Variants in FAM107B observed in about 807,000 individuals in gnomAD.
FAM107B encodes protein FAM107B.
FAM107B carries 21 observed loss-of-function variants against 31.5 expected under a neutral mutation model. That is an observed-to-expected ratio of 0.67 (90% CI 0.47 to 0.96). The LOEUF is 0.96. Among genes scored for constraint, FAM107B ranks in the 40% least tolerant of loss-of-function variants. FAM107B has a pLI of 0.00. For missense variants in FAM107B, 452 were observed against 377.1 expected, an observed-to-expected ratio of 1.20 and a Z score of -1.64; for synonymous variants, 157 against 141.5, an observed-to-expected ratio of 1.11 and a Z score of -0.78.
chr10:14,643,685 C>T (rs1219611710), intron 2 of FAM107B, among the ~76,000 whole-genome samples: 2 of 152,190 alleles, frequency 1.3e-5, no homozygotes, highest in South Asian at 2.1e-4. Context: ...GCTGGGATTA[C>T]AGGCGTGAGC....
At chr10:14,618,658 G>A (rs1444661443) in intron 2 of FAM107B, among the ~76,000 whole-genome samples, 2 of 151,920 alleles carry the variant, frequency 1.3e-5, no homozygotes, top group African/African-American at 2.4e-5. Flanking sequence ...CCAACATAGC[G>A]AAATCCCGTG....
intron 2 of FAM107B, among the ~76,000 whole-genome samples, chr10:14,628,088 C>A (rs1853211547): frequency 7.4e-6 from 1 of 135,600 alleles, no homozygotes. Flanking sequence ...CTGTTTGTTT[C>A]CTTGTTTGTT....
intron 2 of FAM107B, among the ~76,000 whole-genome samples, chr10:14,585,090 A>G (rs1333775167): frequency 1.3e-5 from 2 of 152,244 alleles, no homozygotes; most frequent in Non-Finnish European, 2.9e-5. Flanking sequence ...GGACACCTCT[A>G]GAGGGTATTT....
chr10:14,610,170 C>T (rs1852693032), intron 2 of FAM107B, among the ~76,000 whole-genome samples: 1 of 152,044 alleles, frequency 6.6e-6, no homozygotes, highest in South Asian at 2.1e-4. Flanking sequence ...GGTGAAACCC[C>T]ATCTCTACTA....
At chr10:14,566,968 A>T (rs1201541459) in intron 2 of FAM107B, among the ~76,000 whole-genome samples, 1 of 152,146 alleles carries the variant, frequency 6.6e-6, no homozygotes, top group African/African-American at 2.4e-5. Flanking sequence ...TGGCTAACAC[A>T]GTAAAACCCC....
rs1160761070 is a variant in FAM107B, at chr10:14,774,155, A to G, written c.411+98T>C. On this transcript the variant is annotated intron_variant, in intron 1 of 4. Coordinates refer to ENST00000181796, the MANE Select transcript of FAM107B (RefSeq NM_031453.4). ...GAACGCCCGCAATGCCTTATTCAGT[A>G]AGGTTAAATGAGTTTGTTTGCTGAA... 6 of 1,441,666 alleles carry G rather than the reference A, an allele frequency of 4.2e-6. No individual in the cohort carries two copies. In the African/African-American group the frequency reaches 7.1e-5, roughly 17 times the overall value. 89.3% of individuals were successfully genotyped at this position (1,441,666 alleles called of 1,614,324 possible). A position where few individuals can be genotyped will look rare whatever the true frequency, so the allele number is the denominator to read the frequency against.
At chr10:14,525,278 C>T (rs925329798) in intron 3 of FAM107B, among the ~76,000 whole-genome samples, 6 of 152,076 alleles carry the variant, frequency 3.9e-5, no homozygotes, top group Non-Finnish European at 5.9e-5. Context: ...TACTTTCAAC[C>T]CCTTTATGAC....
At chr10:14,604,378 C>G (rs1588653337) in intron 2 of FAM107B, 1 of 385,658 alleles carries the variant, frequency 2.6e-6, no homozygotes, top group Non-Finnish European at 3.5e-6. Flanking sequence ...GGCCCGCAAG[C>G]CAGTCCGGCG....
rs114119394 is a variant in FAM107B at position 14,609,481 on chromosome 10, G to C, written c.469+58153C>G. ...TGAGAGCTACTCTCAGCTGCTAAAG[G>C]CTAAAGGCTGCCCAGAAACCTCATC... On this transcript the variant is annotated intron_variant, in intron 2 of 4. Transcript: ENST00000181796. 9.6e-3 allele frequency among the ~76,000 whole-genome samples: 1,468 copies of C among 152,204 alleles called. 25 individuals are homozygous for C. The highest frequency in any genetic ancestry group is 0.034 in the African/African-American group (1,409 of 41,526).
At chr10:14,687,186 A>T (rs1400487846) in intron 1 of FAM107B, among the ~76,000 whole-genome samples, 3 of 152,234 alleles carry the variant, frequency 2.0e-5, no homozygotes, top group East Asian at 1.9e-4. Flanking sequence ...ATCTAATGGA[A>T]AACGAGGGTC....
At chr10:14,676,666 A>G (rs1854690269) in intron 1 of FAM107B, among the ~76,000 whole-genome samples, 1 of 152,166 alleles carries the variant, frequency 6.6e-6, no homozygotes, top group Non-Finnish European at 1.5e-5. Flanking sequence ...TCTTTATTCT[A>G]TTAACTAAAA....
At chr10:14,721,086 C>T (rs1442961533) in intron 1 of FAM107B, among the ~76,000 whole-genome samples, 2 of 152,000 alleles carry the variant, frequency 1.3e-5, no homozygotes, top group East Asian at 1.9e-4. Flanking sequence ...TGAGTGAGAA[C>T]ATGCGGTGTT....
At chr10:14,598,385 A>C (rs187887183) in intron 2 of FAM107B, among the ~76,000 whole-genome samples, 22 of 152,338 alleles carry the variant, frequency 1.4e-4, no homozygotes, top group African/African-American at 4.3e-4. Context: ...CTTAGAAAAG[A>C]AGCAGTTCCG....
At chr10:14,625,338 T>C (rs771318042) in intron 2 of FAM107B, among the ~76,000 whole-genome samples, 1 of 152,026 alleles carries the variant, frequency 6.6e-6, no homozygotes, top group Non-Finnish European at 1.5e-5. Context: ...AATCTCTGCT[T>C]TGTCTCAGAG....
chr10:14,595,264 A>G (rs2031617), intron 2 of FAM107B, among the ~76,000 whole-genome samples: 145,178 of 152,194 alleles, frequency 0.95, 69,615 homozygotes, highest in East Asian at 1. Context: ...CAAAACAGAT[A>G]CATCTCCCAA....
intron 3 of FAM107B, among the ~76,000 whole-genome samples, chr10:14,524,706 C>A (rs538994509): frequency 4.6e-5 from 7 of 152,244 alleles, no homozygotes; most frequent in African/African-American, 1.7e-4. Context: ...ACACTACAGA[C>A]AGAATTAAGG....
At chr10:14,771,483 A>G (rs1833301132) in intron 1 of FAM107B, among the ~76,000 whole-genome samples, 2 of 152,212 alleles carry the variant, frequency 1.3e-5, no homozygotes, top group African/African-American at 2.4e-5. Context: ...CAGGAATTGT[A>G]ATGTTCTCAA....
In FAM107B at chr10:14,758,653, C is replaced by T. The variant is rs78569892; in HGVS notation, c.411+15600G>A. 7.0e-4 allele frequency among the ~76,000 whole-genome samples: 107 copies of T among 152,080 alleles called. 3 individuals carry two copies. Among genetic ancestry groups the T allele is most frequent in the African/African-American group, 2.4e-3 (100 of 41,464 alleles). On this transcript the variant is annotated intron_variant, in intron 1 of 4. Coordinates refer to ENST00000181796, the MANE Select transcript of FAM107B (RefSeq NM_031453.4). ...GCCCTAGATGCCCAGCCGGGCTCCCCGTCTGGAGCGAGTGCCAATAGGCCA... is the reference window on the plus strand; with the variant it reads ...GCCCTAGATGCCCAGCCGGGCTCCCTGTCTGGAGCGAGTGCCAATAGGCCA...
At chr10:14,729,739 G>A (rs962030878) in intron 1 of FAM107B, among the ~76,000 whole-genome samples, 2 of 152,110 alleles carry the variant, frequency 1.3e-5, no homozygotes, top group Non-Finnish European at 2.9e-5. Flanking sequence ...ACATACACAC[G>A]TATGTTTATT....
Sources: gnomAD v4.1 joint callset for allele counts (sites outside exome capture counted in the v4.1 genomes callset) on GRCh38, gnomAD v4.1.1 for gene constraint, MANE v1.5 for transcripts, NCBI Gene and HGNC (gene_info 2026-07-23, HGNC 2026-07-21) for gene names.